The following CNTNAP5 variants were observed in gnomAD, a reference collection of about 807,000 sequenced individuals.
The protein encoded by CNTNAP5 is contactin-associated protein-like 5.
In CNTNAP5, 72 loss-of-function variants were observed where a neutral mutation model predicts 150.2. The ratio of observed to expected loss-of-function variants is 0.48; its 90% CI spans 0.40 to 0.58. The LOEUF is 0.58. Ranked by LOEUF, CNTNAP5 falls within the 20% of genes least tolerant of loss-of-function variation. CNTNAP5 has a pLI of 0.00. For missense variants in CNTNAP5, 1,636 were observed against 1,626.2 expected (o/e 1.01, Z -0.10); for synonymous variants, 672 against 619.8 (o/e 1.08, Z -1.25).
chr2:124,551,775 G>T (rs778203850), intron 10 of CNTNAP5, among the ~76,000 whole-genome samples: 9 of 152,184 alleles, frequency 5.9e-5, no homozygotes, highest in Non-Finnish European at 1.0e-4. Context: ...CTGTCATTTG[G>T]TGTCCTATTC....
chr2:124,893,834 C>T (rs573678107), intron 21 of CNTNAP5, among the ~76,000 whole-genome samples: 1 of 152,168 alleles, frequency 6.6e-6, no homozygotes, highest in African/African-American at 2.4e-5. Flanking sequence ...CTTAGGCTCT[C>T]TGGATCTTTA....
intron 4 of CNTNAP5, among the ~76,000 whole-genome samples, chr2:124,429,208 G>A (rs140267554): frequency 8.7e-4 from 132 of 152,274 alleles, no homozygotes; most frequent in African/African-American, 2.9e-3. Flanking sequence ...TCCAAGTGAA[G>A]TTGGGAGTGC....
chr2:124,421,867 C>A (rs1201043346), intron 4 of CNTNAP5, among the ~76,000 whole-genome samples: 1 of 152,182 alleles, frequency 6.6e-6, no homozygotes, highest in African/African-American at 2.4e-5. Flanking sequence ...CCTTCTTGTA[C>A]ACCCACCATT....
chr2:124,085,101 T>C (rs1241202332), intron 1 of CNTNAP5, among the ~76,000 whole-genome samples: 1 of 151,562 alleles, frequency 6.6e-6, no homozygotes, highest in Non-Finnish European at 1.5e-5. Context: ...TTTGTATTTT[T>C]AGTAGAGACG....
intron 8 of CNTNAP5, among the ~76,000 whole-genome samples, chr2:124,505,334 A>G (rs1406235109): frequency 6.6e-6 from 1 of 152,220 alleles, no homozygotes; most frequent in East Asian, 1.9e-4. Flanking sequence ...CTGGGAATTT[A>G]TCCTGAATTT....
At chr2:124,133,338 T>C (rs1683904134) in intron 1 of CNTNAP5, among the ~76,000 whole-genome samples, 2 of 152,178 alleles carry the variant, frequency 1.3e-5, no homozygotes, top group Admixed American at 6.5e-5. Context: ...AGAGTCCCTA[T>C]AGCTTCTTCA....
intron 3 of CNTNAP5, among the ~76,000 whole-genome samples, chr2:124,398,345 G>A (rs903002101): frequency 6.6e-6 from 1 of 152,114 alleles, no homozygotes; most frequent in African/African-American, 2.4e-5. Flanking sequence ...TATGCTTTAA[G>A]GAATTAGTTC....
At chr2:124,232,863 A>G (rs1170624) in intron 2 of CNTNAP5, among the ~76,000 whole-genome samples, 27,753 of 152,062 alleles carry the variant, frequency 0.18, 2,852 homozygotes, top group East Asian at 0.35. Context: ...TTCTGTGTGT[A>G]AATAACAGAA....
At chr2:124,528,457 A>T (rs1695027235) in intron 10 of CNTNAP5, among the ~76,000 whole-genome samples, 1 of 152,226 alleles carries the variant, frequency 6.6e-6, no homozygotes, top group Non-Finnish European at 1.5e-5. Flanking sequence ...TTGGCATAGA[A>T]GCAGGAGAAA....
intron 13 of CNTNAP5, among the ~76,000 whole-genome samples, chr2:124,701,000 T>A (rs1012272319): frequency 6.6e-6 from 1 of 152,070 alleles, no homozygotes; most frequent in African/African-American, 2.4e-5. Flanking sequence ...TTTTTTTGTT[T>A]GTTTTTGTGG....
At position 124,142,707 on chromosome 2, in the gene CNTNAP5, C is replaced by T. The variant is rs540369873; in HGVS notation, c.83-78998C>T. Among the ~76,000 whole-genome samples, 13 of 126,398 alleles carry T rather than the reference C, an allele frequency of 1.0e-4. No homozygotes were observed. The East Asian group carries it at 3.0e-3, about 29-fold the overall frequency. 82.9% of individuals were successfully genotyped at this position (126,398 alleles called of 152,430 possible). On this transcript the variant is annotated intron_variant, in intron 1 of 23. Coordinates refer to ENST00000682447, the MANE Select transcript of CNTNAP5 (RefSeq NM_001367498.1). ...AAGCAGGAAAGATCCAAAATTGACA[C>T]CCTAACATCACAATTAAAAGAACTA...
In CNTNAP5 at chr2:124,034,076, T is replaced by C. The variant is rs1681138616; in HGVS notation, c.82+8344T>C. Among the ~76,000 whole-genome samples the C allele has an allele frequency of 5.3e-5, 8 of 152,164 alleles. No homozygotes were observed. In the South Asian group the frequency reaches 1.7e-3, roughly 32 times the overall value. ...CCCAGGCTGAAACCCTCCCTCATAT[T>C]ACATGGCCAAAAGTACAGTAGATGG... On this transcript the variant is annotated intron_variant, in intron 1 of 23. Coordinates refer to ENST00000682447, the MANE Select transcript of CNTNAP5 (RefSeq NM_001367498.1).
chr2:124,296,423 GT>G (rs1330550219), intron 3 of CNTNAP5, among the ~76,000 whole-genome samples: 1 of 152,194 alleles, frequency 6.6e-6, no homozygotes, highest in Non-Finnish European at 1.5e-5. Context: ...GGCAGATCTG[GT>G]TTCATGGCTA....
intron 8 of CNTNAP5, among the ~76,000 whole-genome samples, chr2:124,516,915 GCTCTGCAAC>G (rs971709497): frequency 6.6e-6 from 1 of 152,130 alleles, no homozygotes; most frequent in Admixed American, 6.5e-5. Flanking sequence ...GTGTGTCAAG[GCTCTGCAAC>G]CTCAAAATTA....
chr2:124,327,905 C>T (rs1265593309), intron 3 of CNTNAP5, among the ~76,000 whole-genome samples: 1 of 152,142 alleles, frequency 6.6e-6, no homozygotes, highest in Admixed American at 6.5e-5. Flanking sequence ...GCAAAATAAA[C>T]TTTCCAAATT....
chr2:124,026,099 A>G (rs957291009), intron 1 of CNTNAP5, among the ~76,000 whole-genome samples: 2 of 152,122 alleles, frequency 1.3e-5, no homozygotes, highest in African/African-American at 4.8e-5. Flanking sequence ...CCTGGGATGG[A>G]GATGCTCCCA....
chr2:124,361,493 G>C (rs927215871), intron 3 of CNTNAP5, among the ~76,000 whole-genome samples: 2 of 145,630 alleles, frequency 1.4e-5, no homozygotes, highest in East Asian at 4.0e-4. Context: ...TTTCGGTGTG[G>C]ATGTCCTTTC....
rs1450199487 is a variant in CNTNAP5, at chr2:124,915,397, A to G, written c.*1109A>G. 1 of 166,530 alleles carries G rather than the reference A, an allele frequency of 6.0e-6. No homozygotes were observed. The highest frequency in any genetic ancestry group is 1.5e-5 in the Non-Finnish European group (1 of 68,066). The allele number at this position is 166,530 out of a possible 1,614,324, so 10.3% of individuals were successfully genotyped here. A position where few individuals can be genotyped will look rare whatever the true frequency, so the allele number is the denominator to read the frequency against. ...ACTGCATGAAAGAAGAAAAATACCA[A>G]ACAGAATTCTTCCCTTCCATTCACT... On this transcript the variant is annotated 3_prime_UTR_variant, in exon 24 of 24. Coordinates refer to ENST00000682447, the MANE Select transcript of CNTNAP5 (RefSeq NM_001367498.1).
At chr2:124,623,778 G>A (rs967290923) in intron 12 of CNTNAP5, among the ~76,000 whole-genome samples, 8 of 152,192 alleles carry the variant, frequency 5.3e-5, no homozygotes, top group African/African-American at 1.9e-4. Flanking sequence ...TCCCCTGGTG[G>A]CACAAGCATT....
Sources: allele counts gnomAD v4.1 joint callset (sites outside exome capture counted in the v4.1 genomes callset), GRCh38; gene constraint gnomAD v4.1.1; transcripts MANE v1.5; gene names NCBI Gene and HGNC (gene_info 2026-07-23, HGNC 2026-07-21).